The following PIAS2 variants were observed in gnomAD, a reference collection of about 807,000 sequenced individuals.
PIAS2 encodes the protein protein inhibitor of activated STAT 2.
Under a neutral mutation model 69.7 loss-of-function variants are expected in PIAS2, and 19 were observed. The ratio of observed to expected loss-of-function variants is 0.27; its 90% CI spans 0.19 to 0.40. The LOEUF (loss-of-function observed/expected upper bound fraction) is 0.40. Ranked by LOEUF, PIAS2 falls within the 10% of genes least tolerant of loss-of-function variation. The pLI is 1.00. For missense variants in PIAS2, 624 were observed against 757.0 expected (o/e 0.82, Z 2.06); for synonymous variants, 261 against 263.2 (o/e 0.99, Z 0.08).
chr18:46,846,507 G>C (rs2046184930), intron 6 of PIAS2, 200 bp downstream of exon 6: 1 of 404,286 alleles, frequency 2.5e-6, no homozygotes, highest in Non-Finnish European at 4.3e-6. Flanking sequence ...AAAATAAAGA[G>C]ATGATATTCA....
intron 2 of PIAS2, among the ~76,000 whole-genome samples, chr18:46,864,456 C>T (rs143783503): frequency 2.4e-4 from 37 of 152,202 alleles, no homozygotes; most frequent in East Asian, 5.8e-4. Flanking sequence ...ACGTTAAGTA[C>T]GTAACCATTC....
chr18:46,823,073 C>A (rs867102974), intron 11 of PIAS2, among the ~76,000 whole-genome samples: 861 of 119,132 alleles, frequency 7.2e-3, no homozygotes, highest in Middle Eastern at 0.012. Context: ...CTTGTATCTA[C>A]AAAAAAAAAA....
rs982850210 is a variant in PIAS2, at chr18:46,864,333, A to G, written c.500-85T>C. The stretch of plus-strand genomic sequence containing the variant: ...CCTGCAATAACCAGGCATTTTTTAT[A>G]AAGTACCTGCCAAATTCTGAAACGT... On this transcript the variant is annotated intron_variant, in intron 2 of 13. Coordinates refer to ENST00000585916, the MANE Select transcript of PIAS2 (RefSeq NM_004671.5). The G allele has an allele frequency of 1.1e-5, 9 of 824,966 alleles. No homozygotes were observed. The South Asian group carries it at 1.4e-4, about 13-fold the overall frequency. 51.1% of individuals were successfully genotyped at this position (824,966 alleles called of 1,614,324 possible).
At chr18:46,873,094 G>A (rs544255141) in intron 2 of PIAS2, among the ~76,000 whole-genome samples, 6 of 152,224 alleles carry the variant, frequency 3.9e-5, no homozygotes, top group African/African-American at 1.2e-4. Context: ...AATTTATCAC[G>A]GCTACCGCCT....
intron 11 of PIAS2, among the ~76,000 whole-genome samples, chr18:46,821,601 C>A (rs1051173189): frequency 1.3e-5 from 2 of 151,954 alleles, no homozygotes; most frequent in African/African-American, 4.8e-5. Context: ...ATCTTAAAGC[C>A]GACCAACTTG....
At chr18:46,887,482 T>A (rs2053401630) in intron 2 of PIAS2, among the ~76,000 whole-genome samples, 1 of 152,244 alleles carries the variant, frequency 6.6e-6, no homozygotes, top group Non-Finnish European at 1.5e-5. Context: ...CCACATCAAC[T>A]ATGAAATGTT....
chr18:46,908,730 T>G (rs1340140931), intron 1 of PIAS2, among the ~76,000 whole-genome samples: 1 of 152,182 alleles, frequency 6.6e-6, no homozygotes, highest in Non-Finnish European at 1.5e-5. Context: ...CGCATAAGGC[T>G]GGATGCAGTT....
intron 5 of PIAS2, among the ~76,000 whole-genome samples, chr18:46,849,906 C>T (rs1342395372): frequency 6.6e-6 from 1 of 152,132 alleles, no homozygotes; most frequent in Non-Finnish European, 1.5e-5. Flanking sequence ...CTTATTTAAA[C>T]TCAAATTCTA....
intron 2 of PIAS2, among the ~76,000 whole-genome samples, chr18:46,871,713 T>C (rs202223268): frequency 1.3e-4 from 20 of 152,308 alleles, no homozygotes; most frequent in African/African-American, 4.3e-4. Context: ...AAGAACTTTT[T>C]GTCTTGGGGG....
rs533422652 is a variant in PIAS2 at position 46,890,997 on chromosome 18, G to A, written c.82C>T (p.Arg28Trp). The change falls in exon 2 of 14, where the codon CGG becomes TGG. Residue 28 changes from arginine (R) to tryptophan (W), a missense_variant. By Grantham distance (101) the Arg-to-Trp change is moderately radical (BLOSUM62 -3). Around this residue, in one of 3 missense-constraint regions of PIAS2, gnomAD observed 339 missense variants for 408.8 expected, o/e 0.83. Coordinates refer to ENST00000585916, the MANE Select transcript of PIAS2 (RefSeq NM_004671.5). ...ELQVLLGFAGRNKSGRKHDLL... is the reference protein window; with the variant it reads ...ELQVLLGFAGWNKSGRKHDLL... ...TCATGCTTGCGTCCACTTTTATTCC[G>A]TCCAGCAAAGCCTAGTAATACTTGT... 1.7e-5 allele frequency: 28 copies of A among 1,613,594 alleles called. No homozygotes were observed. The highest frequency in any genetic ancestry group is 4.0e-5 in the African/African-American group (3 of 74,948).
At chr18:46,912,145 C>A (rs1016952434) in intron 1 of PIAS2, among the ~76,000 whole-genome samples, 4 of 152,012 alleles carry the variant, frequency 2.6e-5, no homozygotes, top group Non-Finnish European at 5.9e-5. Context: ...GGAAAGGGAT[C>A]GGTGTTATAT....
chr18:46,815,045 A>C (rs2041363553), intron 13 of PIAS2, among the ~76,000 whole-genome samples: 1 of 152,210 alleles, frequency 6.6e-6, no homozygotes, highest in Non-Finnish European at 1.5e-5. Flanking sequence ...TATTCATTCT[A>C]ATCATTCAAA....
At position 46,846,699 on chromosome 18, in the gene PIAS2, GCTTTTA is replaced by G. The variant is rs2046212995; in HGVS notation, c.861+2_861+7del. On this transcript the variant is annotated splice_donor_variant and splice_donor_5th_base_variant and intron_variant, in intron 6 of 13. Transcript: ENST00000585916. LOFTEE classifies it high-confidence loss of function. ...ACTGTCCTGCTACCCAAAACGGAGA[GCTTTTA>G]CCTTCCCAATTTCTGATGCCCAAGA... is the stretch of plus-strand genomic sequence containing the variant. 6.2e-7 allele frequency: 1 copy of G among 1,611,190 alleles called. No homozygotes were observed. The highest frequency in any genetic ancestry group is 1.3e-5 in the African/African-American group (1 of 74,784).
At chr18:46,816,775 A>G in intron 12 of PIAS2, 1 of 984,190 alleles carries the variant, frequency 1.0e-6, no homozygotes, top group Non-Finnish European at 1.2e-6. Flanking sequence ...GCTTGCTGTA[A>G]TTTTTCATTT....
rs963367534 is a variant in PIAS2, at chr18:46,808,018, T to C, written c.*4415A>G. On this transcript the variant is annotated 3_prime_UTR_variant, in exon 14 of 14. Coordinates refer to ENST00000585916, the MANE Select transcript of PIAS2 (RefSeq NM_004671.5). ...AATTTATACACAAAGACATTCATTGTGGCATTATGAGATATAATCTAAACT... is the reference window on the plus strand; with the variant it reads ...AATTTATACACAAAGACATTCATTGCGGCATTATGAGATATAATCTAAACT... 1 of 152,246 alleles carries C rather than the reference T, an allele frequency of 6.6e-6. No homozygotes were observed. The highest frequency in any genetic ancestry group is 2.4e-5 in the African/African-American group (1 of 41,472). The allele number at this position is 152,246 out of a possible 1,614,324, so 9.4% of individuals were successfully genotyped here. A position where few individuals can be genotyped will look rare whatever the true frequency, so the allele number is the denominator to read the frequency against.
At chr18:46,893,488 T>C (rs1448381662) in intron 1 of PIAS2, 3 of 982,464 alleles carry the variant, frequency 3.1e-6, no homozygotes, top group African/African-American at 3.5e-5. Context: ...TTTCCAGTGA[T>C]AACATTATTT....
intron 2 of PIAS2, among the ~76,000 whole-genome samples, chr18:46,883,768 G>A (rs991898299): frequency 6.6e-6 from 1 of 152,168 alleles, no homozygotes; most frequent in Admixed American, 6.5e-5. Flanking sequence ...CTTCAGCCCA[G>A]GAGGTTGAGG....
chr18:46,806,977 T>C lies in PIAS2; in HGVS notation c.*5456A>G, dbSNP rs1016604957. The C allele has an allele frequency of 3.3e-5, 5 of 152,170 alleles. No homozygotes were observed. Among genetic ancestry groups the C allele is most frequent in the Admixed American group, 6.5e-5 (1 of 15,282 alleles). The allele number at this position is 152,170 out of a possible 1,614,324, so 9.4% of individuals were successfully genotyped here. A position where few individuals can be genotyped will look rare whatever the true frequency, so the allele number is the denominator to read the frequency against. On this transcript the variant is annotated 3_prime_UTR_variant, in exon 14 of 14. Transcript: ENST00000585916. ...ACATCTGAAGGTAGCAATCTGTTTT[T>C]TTCTTTCCCTGCAGCTACCCTTATT...
At chr18:46,849,470 T>C (rs191643517) in intron 5 of PIAS2, among the ~76,000 whole-genome samples, 148 of 152,304 alleles carry the variant, frequency 9.7e-4, no homozygotes, top group African/African-American at 3.5e-3. Context: ...AAAGTCAAGT[T>C]CATGTGACAG....
Sources: allele counts gnomAD v4.1 joint callset (sites outside exome capture counted in the v4.1 genomes callset), GRCh38; gene constraint gnomAD v4.1.1; regional missense constraint gnomAD v4.1.1; transcripts MANE v1.5; gene names NCBI Gene and HGNC (gene_info 2026-07-23, HGNC 2026-07-21).